The following PACRG variants were observed in gnomAD, a reference collection of about 807,000 sequenced individuals.
PACRG encodes parkin coregulated.
PACRG carries 29 observed loss-of-function variants against 29.7 expected under a neutral mutation model. The observed-to-expected ratio is 0.98, with a 90% confidence interval of 0.73 to 1.33. The LOEUF is 1.33. PACRG is among the 40% of genes most tolerant of loss of function. PACRG has a pLI of 0.00. For synonymous variants in PACRG, 116 were observed against 118.7 expected (o/e 0.98, Z 0.15); for missense variants, 279 against 316.2 (o/e 0.88, Z 0.89).
intron 2 of PACRG, among the ~76,000 whole-genome samples, chr6:162,908,576 C>T (rs1173828472): frequency 6.6e-6 from 1 of 152,202 alleles, no homozygotes; most frequent in African/African-American, 2.4e-5. Context: ...AGAGACAGGC[C>T]ATTCCGAGAC....
chr6:163,065,502 A>G (rs1811459094), intron 3 of PACRG, among the ~76,000 whole-genome samples: 1 of 152,198 alleles, frequency 6.6e-6, no homozygotes, highest in Non-Finnish European at 1.5e-5. Context: ...AAGAGCAACC[A>G]GCAAACTCTA....
chr6:162,985,419 G>A (rs1238877547), intron 2 of PACRG, among the ~76,000 whole-genome samples: 1 of 152,038 alleles, frequency 6.6e-6, no homozygotes, highest in Non-Finnish European at 1.5e-5. Flanking sequence ...GTCAGTAACT[G>A]TGATAAACCA....
chr6:163,044,027 C>T (rs1585074528), intron 2 of PACRG, among the ~76,000 whole-genome samples: 1 of 152,094 alleles, frequency 6.6e-6, no homozygotes, highest in Admixed American at 6.5e-5. Flanking sequence ...GAGGGCTGTC[C>T]TCAGTTAGAG....
intron 2 of PACRG, among the ~76,000 whole-genome samples, chr6:162,839,808 A>T (rs1179155751): frequency 3.3e-5 from 5 of 151,786 alleles, no homozygotes; most frequent in Non-Finnish European, 7.4e-5. Flanking sequence ...AGCTTTCTAC[A>T]TATGGCTAGC....
intron 1 of PACRG, among the ~76,000 whole-genome samples, chr6:162,767,820 C>G (rs927281126): frequency 6.6e-5 from 10 of 151,836 alleles, no homozygotes; most frequent in African/African-American, 2.4e-4. Flanking sequence ...ATTCTTTTAG[C>G]CATTATTTTT....
At chr6:162,778,093 G>A (rs1399843361) in intron 1 of PACRG, among the ~76,000 whole-genome samples, 10 of 152,164 alleles carry the variant, frequency 6.6e-5, no homozygotes, top group African/African-American at 1.2e-4. Flanking sequence ...GTCATCGTTT[G>A]CCATATGAAT....
intron 2 of PACRG, chr6:163,042,713 AAAGAG>A (rs1280259315): frequency 1.2e-4 from 18 of 150,442 alleles, no homozygotes; most frequent in Admixed American, 5.3e-4. Flanking sequence ...AAAAAAAAAA[AAAGAG>A]AGAGAGAAAA....
chr6:163,107,538 T>C (rs1310010634), intron 4 of PACRG, among the ~76,000 whole-genome samples: 1 of 152,190 alleles, frequency 6.6e-6, no homozygotes, highest in Non-Finnish European at 1.5e-5. Flanking sequence ...GATACTGTTT[T>C]GCAACAGCTT....
At chr6:163,157,738 A>G (rs879109906) in intron 4 of PACRG, among the ~76,000 whole-genome samples, 1 of 152,240 alleles carries the variant, frequency 6.6e-6, no homozygotes, top group Admixed American at 6.5e-5. Context: ...GAATTAAACG[A>G]AGCCACAAGC....
chr6:163,265,215 C>A (rs1008217439), intron 4 of PACRG, among the ~76,000 whole-genome samples: 1 of 152,152 alleles, frequency 6.6e-6, no homozygotes, highest in South Asian at 2.1e-4. Flanking sequence ...GGATTCCGAC[C>A]CTGATAGGCT....
intron 4 of PACRG, among the ~76,000 whole-genome samples, chr6:163,283,673 C>A (rs985822672): frequency 2.0e-5 from 3 of 151,556 alleles, no homozygotes; most frequent in Non-Finnish European, 2.9e-5. Context: ...CGGTGGCGGG[C>A]GCCTGTAGTC....
At chr6:163,040,560 A>G (rs904010819) in intron 2 of PACRG, among the ~76,000 whole-genome samples, 2 of 152,248 alleles carry the variant, frequency 1.3e-5, no homozygotes, top group African/African-American at 4.8e-5. Flanking sequence ...AAGCAGATGC[A>G]GGAAGTGTAC....
chr6:162,913,137 C>T (rs551728158), intron 2 of PACRG, among the ~76,000 whole-genome samples: 2 of 152,068 alleles, frequency 1.3e-5, no homozygotes, highest in East Asian at 1.9e-4. Context: ...AAATGAAATA[C>T]GGTAAATCAC....
chr6:163,246,889 T>C (rs1029188617), intron 4 of PACRG, among the ~76,000 whole-genome samples: 1 of 152,096 alleles, frequency 6.6e-6, no homozygotes, highest in Non-Finnish European at 1.5e-5. Context: ...AAGCACAGAG[T>C]ATACTGTGCT....
chr6:162,878,807 A>AATGT (rs1180493505), intron 2 of PACRG, among the ~76,000 whole-genome samples: 1 of 151,952 alleles, frequency 6.6e-6, no homozygotes. Flanking sequence ...TGTTAAGATG[A>AATGT]ATGTATATGC....
intron 4 of PACRG, among the ~76,000 whole-genome samples, chr6:163,180,362 A>C (rs1220800181): frequency 6.6e-6 from 1 of 152,224 alleles, no homozygotes; most frequent in Non-Finnish European, 1.5e-5. Flanking sequence ...TCTACTAACT[A>C]GTTCGAGACA....
chr6:163,185,920 C>G (rs957232757), intron 4 of PACRG, among the ~76,000 whole-genome samples: 1 of 152,140 alleles, frequency 6.6e-6, no homozygotes, highest in African/African-American at 2.4e-5. Context: ...GCTGACCCCA[C>G]CCCCATCTAC....
At chr6:163,294,973 C>A (rs1562364126) in intron 4 of PACRG, among the ~76,000 whole-genome samples, 1 of 152,158 alleles carries the variant, frequency 6.6e-6, no homozygotes, top group Non-Finnish European at 1.5e-5. Context: ...ACCATGGGCT[C>A]CTCCTCTGTA....
chr6:162,944,186 A>C (rs543276640), intron 2 of PACRG, among the ~76,000 whole-genome samples: 91 of 152,354 alleles, frequency 6.0e-4, no homozygotes, highest in Non-Finnish European at 7.9e-4. Flanking sequence ...ACCGTAAGCC[A>C]CTGAGGAAAT....
Sources: allele counts gnomAD v4.1 joint callset (sites outside exome capture counted in the v4.1 genomes callset), GRCh38; gene constraint gnomAD v4.1.1; transcripts MANE v1.5; gene names NCBI Gene and HGNC (gene_info 2026-07-23, HGNC 2026-07-21).